Variants in LINGO1 observed in about 807,000 individuals in gnomAD.
The protein encoded by LINGO1 is leucine-rich repeat and immunoglobulin-like domain-containing nogo receptor-interacting protein 1.
Under a neutral mutation model 37.3 loss-of-function variants are expected in LINGO1, and 11 were observed. The observed-to-expected ratio is 0.29, with a 90% CI of 0.19 to 0.49. LINGO1 has a LOEUF of 0.49. Ranked by LOEUF, LINGO1 falls within the 20% of genes least tolerant of loss-of-function variation. The pLI is 0.99. For synonymous variants in LINGO1, 387 were observed against 403.0 expected (o/e 0.96, Z 0.48); for missense variants, 585 against 878.2 (o/e 0.67, Z 4.22).
chr15:77,664,630 G>A (rs1458519014), intron 3 of LINGO1, among the ~76,000 whole-genome samples: 1 of 152,146 alleles, frequency 6.6e-6, no homozygotes, highest in African/African-American at 2.4e-5. Flanking sequence ...AGAGCTGGAG[G>A]GCTCCTCCCA....
chr15:77,642,717 C>T (rs1018226850), intron 3 of LINGO1, among the ~76,000 whole-genome samples: 1 of 152,224 alleles, frequency 6.6e-6, no homozygotes, highest in Non-Finnish European at 1.5e-5. Context: ...GGGCAGCAGA[C>T]AGGTTCATCT....
At chr15:77,777,493 A>ACACG (rs1206944457) in intron 1 of LINGO1, among the ~76,000 whole-genome samples, 1 of 138,526 alleles carries the variant, frequency 7.2e-6, no homozygotes, top group Non-Finnish European at 1.6e-5. Flanking sequence ...ACACACACAC[A>ACACG]CACACACACA....
At chr15:77,789,342 T>C (rs2076800572), upstream of LINGO1, among the ~76,000 whole-genome samples, 3 of 152,192 alleles carry the variant, frequency 2.0e-5, no homozygotes, top group African/African-American at 4.8e-5. Context: ...ACGGTCTAAA[T>C]TGTTAAATAC....
intron 3 of LINGO1, among the ~76,000 whole-genome samples, chr15:77,658,523 G>A (rs770946378): frequency 9.2e-5 from 14 of 152,368 alleles, no homozygotes; most frequent in Non-Finnish European, 1.3e-4. Context: ...TCAAGGCCAG[G>A]GGAAGGCAGC....
At chr15:77,713,257 T>TGTGTGTGTGTG (rs61580201) in intron 2 of LINGO1, among the ~76,000 whole-genome samples, 4 of 143,914 alleles carry the variant, frequency 2.8e-5, no homozygotes, top group Admixed American at 1.4e-4. Context: ...TGTGTGTGTG[T>TGTGTGTGTGTG]TGTAGAGACA....
intron 1 of LINGO1, among the ~76,000 whole-genome samples, chr15:77,622,762 G>A (rs981670382): frequency 1.3e-5 from 2 of 152,328 alleles, no homozygotes; most frequent in African/African-American, 2.4e-5. Flanking sequence ...ACCCCAGCCC[G>A]GGTTTTTCCT....
chr15:77,706,328 C>T (rs943823650), intron 2 of LINGO1, among the ~76,000 whole-genome samples: 2 of 152,236 alleles, frequency 1.3e-5, no homozygotes, highest in Non-Finnish European at 2.9e-5. Context: ...CCACCTTACT[C>T]TTCTGTGTCC....
At chr15:77,673,611 C>T (rs2075285382) in intron 3 of LINGO1, among the ~76,000 whole-genome samples, 1 of 152,246 alleles carries the variant, frequency 6.6e-6, no homozygotes, top group African/African-American at 2.4e-5. Flanking sequence ...CTCAGCTCCC[C>T]ACCCTCTAAC....
At chr15:77,638,284 G>C (rs1295837701), upstream of LINGO1, among the ~76,000 whole-genome samples, 10 of 147,856 alleles carry the variant, frequency 6.8e-5, no homozygotes, top group African/African-American at 1.3e-4. Context: ...TACCCCCGCC[G>C]AAGTTCCCCC....
chr15:77,779,342 T>A (rs952230909), intron 1 of LINGO1, among the ~76,000 whole-genome samples: 1 of 151,996 alleles, frequency 6.6e-6, no homozygotes, highest in Non-Finnish European at 1.5e-5. Flanking sequence ...CAGCCCAGGG[T>A]TGGGGAGATG....
chr15:77,619,060 A>G (rs901485696), intron 1 of LINGO1, among the ~76,000 whole-genome samples: 2 of 152,228 alleles, frequency 1.3e-5, no homozygotes, highest in African/African-American at 2.4e-5. Flanking sequence ...CTGCCTAATG[A>G]CGAAAGGTGA....
chr15:77,684,430 A>G (rs1484997763), intron 2 of LINGO1, among the ~76,000 whole-genome samples: 1 of 152,182 alleles, frequency 6.6e-6, no homozygotes, highest in African/African-American at 2.4e-5. Context: ...GCAGCCTTCT[A>G]CTAGTGCTTG....
At chr15:77,704,976 C>T (rs1366402624) in intron 2 of LINGO1, among the ~76,000 whole-genome samples, 3 of 152,068 alleles carry the variant, frequency 2.0e-5, no homozygotes, top group Non-Finnish European at 4.4e-5. Context: ...ATGGTCTAGG[C>T]CCTAGGGAGG....
intron 1 of LINGO1, among the ~76,000 whole-genome samples, chr15:77,746,749 G>A (rs1380963521): frequency 6.6e-6 from 1 of 152,154 alleles, no homozygotes; most frequent in Non-Finnish European, 1.5e-5. Context: ...AAATCCAGAG[G>A]CTCATGTGCC....
At chr15:77,693,017 C>T (rs1330108743) in intron 1 of LINGO1, among the ~76,000 whole-genome samples, 1 of 152,216 alleles carries the variant, frequency 6.6e-6, no homozygotes, top group Non-Finnish European at 1.5e-5. Flanking sequence ...CGCAGGGCTT[C>T]AGGCCCAGGT....
intron 2 of LINGO1, among the ~76,000 whole-genome samples, chr15:77,685,781 G>A (rs1596106661): frequency 6.6e-6 from 1 of 152,068 alleles, no homozygotes; most frequent in East Asian, 1.9e-4. Context: ...AGCCCAGGAG[G>A]TTGAGGCTTC....
intron 1 of LINGO1, among the ~76,000 whole-genome samples, chr15:77,741,760 A>C (rs991551682): frequency 1.3e-5 from 2 of 152,214 alleles, no homozygotes; most frequent in Non-Finnish European, 2.9e-5. Flanking sequence ...AGGTAAAGGA[A>C]GCTCTGTGCA....
chr15:77,775,335 G>C (rs1286285157), intron 1 of LINGO1, among the ~76,000 whole-genome samples: 2 of 152,128 alleles, frequency 1.3e-5, no homozygotes, highest in African/African-American at 2.4e-5. Context: ...CCAAGTTTGG[G>C]GCAAGGCTTC....
intron 2 of LINGO1, among the ~76,000 whole-genome samples, chr15:77,708,087 T>C (rs191810806): frequency 2.6e-4 from 40 of 152,324 alleles, no homozygotes; most frequent in Non-Finnish European, 4.7e-4. Context: ...GAGATGGTTT[T>C]TAAAGGACAT....
Sources: allele counts gnomAD v4.1 joint callset (sites outside exome capture counted in the v4.1 genomes callset), GRCh38; gene constraint gnomAD v4.1.1; transcripts MANE v1.5; gene names NCBI Gene and HGNC (gene_info 2026-07-23, HGNC 2026-07-21).